MTNR1B: variants seen among roughly 807,000 people sequenced by gnomAD.
MTNR1B encodes the protein melatonin receptor type 1B.
A neutral mutation model predicts 7.0 loss-of-function variants in MTNR1B; 7 were observed. That is an observed-to-expected ratio of 1.00 (90% CI 0.57 to 1.88). MTNR1B has a LOEUF of 1.88. MTNR1B is among the 40% of genes most tolerant of loss of function. MTNR1B has a pLI of 0.00. For synonymous variants in MTNR1B, 226 were observed against 208.2 expected (o/e 1.09, Z -0.74); for missense variants, 478 against 486.5 (o/e 0.98, Z 0.16).
intron 1 of MTNR1B, among the ~76,000 whole-genome samples, chr11:92,976,107 T>G (rs1858005882): frequency 6.6e-6 from 1 of 152,218 alleles, no homozygotes; most frequent in Non-Finnish European, 1.5e-5. Context: ...CCATGTAACT[T>G]TCAGTAGCTC....
downstream of MTNR1B, chr11:92,984,762 C>G (rs763676010): frequency 2.4e-6 from 1 of 410,056 alleles, no homozygotes; most frequent in Non-Finnish European, 4.8e-6. Context: ...TGCCAGGGTT[C>G]GGCACTGACA....
At chr11:92,984,525 G>T (rs572772296), downstream of MTNR1B, among the ~76,000 whole-genome samples, 1 of 152,124 alleles carries the variant, frequency 6.6e-6, no homozygotes, top group Non-Finnish European at 1.5e-5. Context: ...GGCATGTATT[G>T]TTTTCTGTTC....
At position 92,982,613 on chromosome 11, in the gene MTNR1B, A is replaced by T. The variant is rs914213984; in HGVS notation, c.*301A>T. ...GAAAGGCCTGGGGCAGAAGAGCCCAACTCCTTCTCATAGCTGACCCTCATC... is the reference window on the plus strand; with the variant it reads ...GAAAGGCCTGGGGCAGAAGAGCCCATCTCCTTCTCATAGCTGACCCTCATC... On this transcript the variant is annotated 3_prime_UTR_variant, in exon 2 of 2. Transcript: ENST00000257068. 5.3e-6 allele frequency: 2 copies of T among 374,224 alleles called. No individual in the cohort carries two copies. The highest frequency in any genetic ancestry group is 4.8e-5 in the East Asian group (1 of 20,868). 23.2% of individuals were successfully genotyped at this position (374,224 alleles called of 1,614,324 possible).
downstream of MTNR1B, among the ~76,000 whole-genome samples, chr11:92,984,205 T>C (rs566822678): frequency 4.6e-5 from 7 of 152,292 alleles, no homozygotes; most frequent in South Asian, 1.2e-3. Flanking sequence ...GGCCTTGCAA[T>C]GTGAGGAATC....
chr11:92,977,704 T>C (rs1441215767), intron 1 of MTNR1B, among the ~76,000 whole-genome samples: 1 of 152,242 alleles, frequency 6.6e-6, no homozygotes, highest in African/African-American at 2.4e-5. Flanking sequence ...GCTACTGTTT[T>C]CTTTTGTTTC....
intron 1 of MTNR1B, among the ~76,000 whole-genome samples, chr11:92,973,568 T>C (rs1008981462): frequency 1.3e-5 from 2 of 152,198 alleles, no homozygotes; most frequent in Non-Finnish European, 2.9e-5. Flanking sequence ...CTCTACCTCT[T>C]CTGCCCAGTC....
At chr11:92,972,026 T>C (rs1278684801) in intron 1 of MTNR1B, among the ~76,000 whole-genome samples, 1 of 152,230 alleles carries the variant, frequency 6.6e-6, no homozygotes, top group East Asian at 1.9e-4. Context: ...TCTGGCTTTA[T>C]TGGTGACAGT....
Position 92,969,680 on chromosome 11 carries a change from G to C in MTNR1B, c.-46G>C, listed in dbSNP as rs1035981999. The C allele has an allele frequency of 3.6e-6, 5 of 1,394,714 alleles. No homozygotes were observed. Among genetic ancestry groups the C allele is most frequent in the Non-Finnish European group, 4.6e-6 (5 of 1,075,288 alleles). The allele number at this position is 1,394,714 out of a possible 1,614,324, so 86.4% of individuals were successfully genotyped here. ...TCAGTACTGCGCGCGCCCTGCGGCT[G>C]TCCGGGGCCGCGCGGTGGCCAAAGC... is the stretch of plus-strand genomic sequence containing the variant. On this transcript the variant is annotated 5_prime_UTR_variant, in exon 1 of 2. Coordinates refer to ENST00000257068, the MANE Select transcript of MTNR1B (RefSeq NM_005959.5).
intron 1 of MTNR1B, 29 bp from the exon 2 acceptor site, chr11:92,981,418 G>T: frequency 6.3e-7 from 1 of 1,596,562 alleles, no homozygotes; most frequent in Non-Finnish European, 8.5e-7. Flanking sequence ...GGGGTCTCGT[G>T]CTGACTGTTG....
At chr11:92,975,347 C>T (rs1857995994) in intron 1 of MTNR1B, among the ~76,000 whole-genome samples, 1 of 152,158 alleles carries the variant, frequency 6.6e-6, no homozygotes, top group Non-Finnish European at 1.5e-5. Context: ...TTAGTGAGTG[C>T]ACGAATTGGC....
intron 1 of MTNR1B, among the ~76,000 whole-genome samples, chr11:92,971,105 G>A (rs939800323): frequency 3.9e-5 from 6 of 151,922 alleles, no homozygotes; most frequent in East Asian, 1.9e-4. Context: ...GATTACAGGC[G>A]CTCGCCACTA....
At chr11:92,983,981 G>C (rs1858159483), downstream of MTNR1B, among the ~76,000 whole-genome samples, 3 of 152,218 alleles carry the variant, frequency 2.0e-5, no homozygotes, top group Non-Finnish European at 4.4e-5. Context: ...TTCAGAGCTA[G>C]ATGTGGAGCT....
In MTNR1B at chr11:92,981,384, G is replaced by A; in HGVS notation, c.224-63G>A. Reference sequence around the variant, plus strand: ...CCAAAAGTAACTTCGTGGAGGGTAGGATGTTCTACAGAATCTAAGTCGTGG... The same window carrying A: ...CCAAAAGTAACTTCGTGGAGGGTAGAATGTTCTACAGAATCTAAGTCGTGG... On this transcript the variant is annotated intron_variant, in intron 1 of 1. Coordinates refer to ENST00000257068, the MANE Select transcript of MTNR1B (RefSeq NM_005959.5). 4 of 1,550,908 alleles carry A rather than the reference G, an allele frequency of 2.6e-6. No homozygotes were observed. In the East Asian group the frequency reaches 9.0e-5, roughly 35 times the overall value.
Position 92,982,613 on chromosome 11 carries a change from A to C in MTNR1B, c.*301A>C. 2.7e-6 allele frequency: 1 copy of C among 374,342 alleles called. No homozygotes were observed. The highest frequency in any genetic ancestry group is 4.8e-6 in the Non-Finnish European group (1 of 207,378). The allele number at this position is 374,342 out of a possible 1,614,324, so 23.2% of individuals were successfully genotyped here. A position where few individuals can be genotyped will look rare whatever the true frequency, so the allele number is the denominator to read the frequency against. On this transcript the variant is annotated 3_prime_UTR_variant, in exon 2 of 2. Coordinates refer to ENST00000257068, the MANE Select transcript of MTNR1B (RefSeq NM_005959.5). ...GAAAGGCCTGGGGCAGAAGAGCCCA[A>C]CTCCTTCTCATAGCTGACCCTCATC...
chr11:92,970,065 C>T (rs546294082), intron 1 of MTNR1B, 117 bp downstream of exon 1: 1 of 1,313,996 alleles, frequency 7.6e-7, no homozygotes, highest in African/African-American at 1.5e-5. Flanking sequence ...CTCCCCTTTC[C>T]CTTCACTCTA....
At chr11:92,983,543 A>G (rs1336235650), downstream of MTNR1B, among the ~76,000 whole-genome samples, 4 of 151,360 alleles carry the variant, frequency 2.6e-5, no homozygotes, top group East Asian at 1.9e-4. Flanking sequence ...AAAGAAGAAG[A>G]AGTAGAAGGA....
At chr11:92,972,568 C>T in intron 1 of MTNR1B, 2 of 455,670 alleles carry the variant, frequency 4.4e-6, no homozygotes, top group South Asian at 3.1e-5. Flanking sequence ...GAGGTAGGGT[C>T]AGGGCACCGA....
chr11:92,975,774 C>G (rs1858001750), intron 1 of MTNR1B, among the ~76,000 whole-genome samples: 1 of 152,178 alleles, frequency 6.6e-6, no homozygotes, highest in Admixed American at 6.5e-5. Context: ...GCCCACAGCC[C>G]CTACCCTCCA....
At chr11:92,984,922 A>C (rs1351558655), downstream of MTNR1B, 2 of 456,128 alleles carry the variant, frequency 4.4e-6, no homozygotes, top group Non-Finnish European at 8.8e-6. Context: ...CCTGATTGTA[A>C]ATAAAAATGC....
Sources: gnomAD v4.1 joint callset for allele counts (sites outside exome capture counted in the v4.1 genomes callset) on GRCh38, gnomAD v4.1.1 for gene constraint, MANE v1.5 for transcripts, NCBI Gene and HGNC (gene_info 2026-07-23, HGNC 2026-07-21) for gene names.